The following EML6 variants were observed in gnomAD, a reference collection of about 807,000 sequenced individuals.
EML6 encodes the protein EMAP like 6, also known as echinoderm microtubule-associated protein-like 6.
Under a neutral mutation model 240.1 loss-of-function variants are expected in EML6, and 154 were observed. The ratio of observed to expected loss-of-function variants is 0.64; its 90% CI spans 0.56 to 0.73. The LOEUF (loss-of-function observed/expected upper bound fraction) is 0.73, where lower values mean the gene tolerates loss of function less well. Ranked by LOEUF, EML6 falls within the 30% of genes least tolerant of loss-of-function variation. The pLI is 0.00. For synonymous variants in EML6, 1,148 were observed against 899.0 expected (o/e 1.28, Z -4.95); for missense variants, 2,964 against 2,474.6 (o/e 1.20, Z -4.20).
chr2:54,940,655 C>G (rs1462629956), intron 28 of EML6, among the ~76,000 whole-genome samples: 2 of 152,344 alleles, frequency 1.3e-5, no homozygotes, highest in African/African-American at 4.8e-5. Context: ...CTTCAAGATG[C>G]TGTGCAAGTC....
At chr2:54,968,831 A>G in intron 41 of EML6, 63 bp downstream of exon 41, 1 of 896,546 alleles carries the variant, frequency 1.1e-6, no homozygotes, top group African/African-American at 1.6e-5. Context: ...TCCCCATCTC[A>G]GGCATCCCGT....
intron 2 of EML6, among the ~76,000 whole-genome samples, chr2:54,749,612 G>T (rs985933404): frequency 2.6e-5 from 4 of 152,094 alleles, no homozygotes; most frequent in Admixed American, 2.0e-4. Context: ...GGCACGCTGA[G>T]CATTTTGCAT....
chr2:54,758,379 CT>C (rs1667831761), intron 2 of EML6, among the ~76,000 whole-genome samples: 1 of 152,116 alleles, frequency 6.6e-6, no homozygotes, highest in Admixed American at 6.5e-5. Context: ...TAGGTTTTGC[CT>C]TGCTTCTGAT....
chr2:54,901,576 T>C (rs149879345), intron 22 of EML6, among the ~76,000 whole-genome samples: 5 of 152,360 alleles, frequency 3.3e-5, no homozygotes, highest in Non-Finnish European at 7.4e-5. Context: ...CTGGTATAAT[T>C]ATTAATAGCT....
chr2:54,882,865 A>AG (rs1671901650), intron 17 of EML6: 2 of 137,412 alleles, frequency 1.5e-5, no homozygotes, highest in Non-Finnish European at 3.2e-5. Context: ...CTCAAAAAAA[A>AG]AAAAAAAAAG....
intron 16 of EML6, among the ~76,000 whole-genome samples, chr2:54,872,762 T>G (rs1038784551): frequency 2.0e-5 from 3 of 152,242 alleles, no homozygotes; most frequent in Admixed American, 6.5e-5. Context: ...TCTTTGCTCA[T>G]GCTGTTCTCA....
chr2:54,907,929 TAGATAGATAGATAGATA>T (rs1673416522), intron 24 of EML6, among the ~76,000 whole-genome samples: 2 of 46,366 alleles, frequency 4.3e-5, no homozygotes, highest in African/African-American at 1.5e-4. Context: ...GATAGATAGA[TAGATAGATAGATAGATA>T]AGATAGATAG....
In EML6 at chr2:54,947,133, G is replaced by C. The variant is rs74382338; in HGVS notation, c.4005-1749G>C. Among the ~76,000 whole-genome samples the C allele has an allele frequency of 7.3e-3, 1,103 of 152,132 alleles. 13 individuals carry two copies. Among genetic ancestry groups the C allele is most frequent in the African/African-American group, 0.026 (1,065 of 41,484 alleles). On this transcript the variant is annotated intron_variant, in intron 28 of 41. Transcript: ENST00000356458. ...CATGCCATAGTTCCAGTGTCCTCTT[G>C]CTCTCCTCATAGCCCCTGGCTTGCT...
chr2:54,826,348 T>G (rs1668592592), intron 5 of EML6, among the ~76,000 whole-genome samples: 1 of 152,186 alleles, frequency 6.6e-6, no homozygotes. Context: ...AAAACTATGT[T>G]AAGGTTTTGA....
In EML6 at chr2:54,724,915, C is replaced by T. The variant is rs570308210; in HGVS notation, c.-147C>T. On this transcript the variant is annotated 5_prime_UTR_variant, in exon 2 of 42. Transcript: ENST00000356458. The surrounding 1 kb of genome is among the most constrained non-coding windows in gnomAD (Gnocchi z 5.2). ...GGCTGCAGCGGATGATGGTGGCGGC[C>T]GGCCCGCTGGGCTGTGCCTGTGTGT... is the stretch of plus-strand genomic sequence containing the variant. 131 of 517,560 alleles carry T rather than the reference C, an allele frequency of 2.5e-4. No individual in the cohort carries two copies. Among genetic ancestry groups the T allele is most frequent in the Middle Eastern group, 6.7e-4 (1 of 1,484 alleles). 32.1% of individuals were successfully genotyped at this position (517,560 alleles called of 1,614,324 possible).
At position 54,899,624 on chromosome 2, in the gene EML6, C is replaced by G; in HGVS notation, c.2983-17C>G. 6.4e-7 allele frequency: 1 copy of G among 1,551,316 alleles called. No homozygotes were observed. The highest frequency in any genetic ancestry group is 8.7e-7 in the Non-Finnish European group (1 of 1,146,780). Reference sequence around the variant, plus strand: ...AGCATAAGTAGAGTTTATGTTGCCCCTTTTCCTCTCCCACAGGGGCACATG... The same window carrying G: ...AGCATAAGTAGAGTTTATGTTGCCCGTTTTCCTCTCCCACAGGGGCACATG... On this transcript the variant is annotated splice_polypyrimidine_tract_variant and intron_variant, in intron 21 of 41. Transcript: ENST00000356458.
intron 2 of EML6, among the ~76,000 whole-genome samples, chr2:54,791,771 C>T (rs537882992): frequency 8.5e-5 from 13 of 152,196 alleles, no homozygotes; most frequent in South Asian, 8.3e-4. Flanking sequence ...GTTTGCCCTC[C>T]GCTTGTGAAG....
rs898136127 is a variant in EML6 at position 54,879,581 on chromosome 2, C to T, written c.2379C>T (p.Asp793=). ...AATGTCTGGTGTCGGTTGGTTTAGA[C>T]GATTTTCACAGTATTGTATTTTGGG... ...DGKCLVSVGL[D]DFHSIVFWDW... is the part of the protein sequence containing the mutation. The change falls in exon 17 of 42, where the codon GAC becomes GAT. Residue 793 remains aspartate, a synonymous_variant. Coordinates refer to ENST00000356458, the MANE Select transcript of EML6 (RefSeq NM_001039753.4). The T allele has an allele frequency of 1.3e-5, 20 of 1,551,502 alleles. No individual in the cohort carries two copies. Among genetic ancestry groups the T allele is most frequent in the Non-Finnish European group, 1.6e-5 (18 of 1,146,786 alleles).
At chr2:54,935,842 C>G (rs1179082469) in intron 28 of EML6, among the ~76,000 whole-genome samples, 1 of 152,124 alleles carries the variant, frequency 6.6e-6, no homozygotes, top group African/African-American at 2.4e-5. Flanking sequence ...GCCTGGGCAA[C>G]ATAAGGAGGC....
At chr2:54,889,483 C>G (rs1553408320) in intron 17 of EML6, among the ~76,000 whole-genome samples, 2 of 96,170 alleles carry the variant, frequency 2.1e-5, no homozygotes, top group African/African-American at 4.0e-5. Flanking sequence ...CTTATCAGGT[C>G]TTTTTTTCTC....
At chr2:54,771,115 C>T (rs1668383347) in intron 2 of EML6, among the ~76,000 whole-genome samples, 2 of 152,090 alleles carry the variant, frequency 1.3e-5, no homozygotes, top group Admixed American at 6.6e-5. Flanking sequence ...CAGGATCAGG[C>T]CTGATGAGTT....
At position 54,970,103 on chromosome 2, in the gene EML6, G is replaced by C; in HGVS notation, c.*8G>C. 1 of 1,551,642 alleles carries C rather than the reference G, an allele frequency of 6.4e-7. No individual in the cohort carries two copies. Among genetic ancestry groups the C allele is most frequent in the Middle Eastern group, 1.7e-4 (1 of 5,992 alleles). On this transcript the variant is annotated 3_prime_UTR_variant, in exon 42 of 42. Transcript: ENST00000356458. ...GTGTGGCGATGTCTGTAAAATGCCA[G>C]AAGCCTCTTATGTTATTGCTGCTGC...
chr2:54,788,547 G>C (rs1055262343), intron 2 of EML6, among the ~76,000 whole-genome samples: 1 of 152,170 alleles, frequency 6.6e-6, no homozygotes, highest in African/African-American at 2.4e-5. Flanking sequence ...GTCTAGAATC[G>C]ATAGCTACTC....
chr2:54,820,184 TCTCTA>T (rs1668267118), intron 4 of EML6, among the ~76,000 whole-genome samples: 1 of 152,188 alleles, frequency 6.6e-6, no homozygotes, highest in African/African-American at 2.4e-5. Context: ...GTAAGTTCTC[TCTCTA>T]CTCAGGCCTT....
Sources: gnomAD v4.1 joint callset for allele counts (sites outside exome capture counted in the v4.1 genomes callset) on GRCh38, gnomAD v4.1.1 for gene constraint, Gnocchi (gnomAD v3.1) non-coding constraint, MANE v1.5 for transcripts, NCBI Gene and HGNC (gene_info 2026-07-23, HGNC 2026-07-21) for gene names.